The following CTDSPL variants were observed in gnomAD, a reference collection of about 807,000 sequenced individuals.
CTDSPL encodes CTD small phosphatase-like protein.
A neutral mutation model predicts 30.5 loss-of-function variants in CTDSPL; 8 were observed. That is an observed-to-expected ratio of 0.26 (90% confidence interval 0.15 to 0.47). CTDSPL has a LOEUF of 0.47. Among genes scored for constraint, CTDSPL ranks in the 20% least tolerant of loss-of-function variants. CTDSPL has a pLI of 0.99. For missense variants in CTDSPL, 248 were observed against 366.1 expected, an observed-to-expected ratio of 0.68 and a Z score of 2.63; for synonymous variants, 110 against 137.9, an observed-to-expected ratio of 0.80 and a Z score of 1.42.
At chr3:37,932,951 G>C (rs1274150533) in intron 1 of CTDSPL, among the ~76,000 whole-genome samples, 9 of 152,088 alleles carry the variant, frequency 5.9e-5, no homozygotes, top group Admixed American at 5.2e-4. Flanking sequence ...TCAGGAGTTC[G>C]AGACCAGCCT....
chr3:37,888,037 G>A (rs368584120), intron 1 of CTDSPL, among the ~76,000 whole-genome samples: 3 of 152,322 alleles, frequency 2.0e-5, no homozygotes, highest in Middle Eastern at 3.4e-3. Context: ...AGGGTGTTCT[G>A]AAAAGATGTG....
intron 1 of CTDSPL, among the ~76,000 whole-genome samples, chr3:37,927,876 C>T (rs866799843): frequency 1.3e-5 from 2 of 152,014 alleles, no homozygotes; most frequent in Middle Eastern, 3.4e-3. Context: ...TGGCAGCCAC[C>T]ATTCTACTTT....
intron 4 of CTDSPL, among the ~76,000 whole-genome samples, chr3:37,966,457 T>C (rs777310294): frequency 5.3e-5 from 8 of 152,196 alleles, no homozygotes; most frequent in Non-Finnish European, 7.3e-5. Context: ...GTAAGGGTGG[T>C]GCTTGCTGTA....
At position 37,951,102 on chromosome 3, in the gene CTDSPL, T is replaced by C. The variant is rs75455318; in HGVS notation, c.234+3891T>C. On this transcript the variant is annotated intron_variant, in intron 2 of 7. Coordinates refer to ENST00000273179, the MANE Select transcript of CTDSPL (RefSeq NM_001008392.2). Reference sequence around the variant, plus strand: ...TTAGAAATGGGCTGGGTGCAATGGCTCATTCCCGTAATCCCAGCACTTTGG... The same window carrying C: ...TTAGAAATGGGCTGGGTGCAATGGCCCATTCCCGTAATCCCAGCACTTTGG... Among the ~76,000 whole-genome samples the C allele has an allele frequency of 7.5e-3, 1,135 of 152,312 alleles. 40 individuals are homozygous for C. The East Asian group carries it at 0.11, about 15-fold the overall frequency.
At position 37,912,250 on chromosome 3, in the gene CTDSPL, C is replaced by T. The variant is rs140345553; in HGVS notation, c.80-34807C>T. On this transcript the variant is annotated intron_variant, in intron 1 of 7. Transcript: ENST00000273179. Reference sequence around the variant, plus strand: ...GGCTTCCCCCTAGTGGAGGGGAGGCCGGTTCTTTCCTGCACTCAGCCCCGG... The same window carrying T: ...GGCTTCCCCCTAGTGGAGGGGAGGCTGGTTCTTTCCTGCACTCAGCCCCGG... Among the ~76,000 whole-genome samples, 343 of 152,266 alleles carry T rather than the reference C, an allele frequency of 2.3e-3. 2 individuals are homozygous for T. Among genetic ancestry groups the T allele is most frequent in the Non-Finnish European group, 3.8e-3 (258 of 68,028 alleles).
At chr3:37,931,643 A>T (rs1221780052) in intron 1 of CTDSPL, among the ~76,000 whole-genome samples, 1 of 151,432 alleles carries the variant, frequency 6.6e-6, no homozygotes, top group Non-Finnish European at 1.5e-5. Flanking sequence ...ACATGCTTTG[A>T]TTCCTTTCTC....
At position 37,975,643 on chromosome 3, in the gene CTDSPL, G is replaced by C. The variant is rs1699416496; in HGVS notation, c.520-66G>C. 19 of 1,381,234 alleles carry C rather than the reference G, an allele frequency of 1.4e-5. No individual in the cohort carries two copies. The highest frequency in any genetic ancestry group is 1.9e-5 in the Non-Finnish European group (19 of 1,010,110). The allele number at this position is 1,381,234 out of a possible 1,614,324, so 85.6% of individuals were successfully genotyped here. On this transcript the variant is annotated intron_variant, in intron 6 of 7. Coordinates refer to ENST00000273179, the MANE Select transcript of CTDSPL (RefSeq NM_001008392.2). The surrounding 1 kb of genome is among the most constrained non-coding windows in gnomAD (Gnocchi z 4.9). ...TAAAAAACGTAATCTGGATCTTGCTGCTGTAGTTCAGGGTTTGGGGGGCTC... is the reference window on the plus strand; with the variant it reads ...TAAAAAACGTAATCTGGATCTTGCTCCTGTAGTTCAGGGTTTGGGGGGCTC...
rs764709556 is a variant in CTDSPL, at chr3:37,964,635, T to C, written c.332T>C (p.Ile111Thr). 2 of 1,614,070 alleles carry C rather than the reference T, an allele frequency of 1.2e-6. No individual in the cohort carries two copies. Among genetic ancestry groups the C allele is most frequent in the East Asian group, 2.2e-5 (1 of 44,874 alleles). ...VLDYGKKCVV[I>T]DLDETLVHSS... ...GACTATGGAAAGAAATGTGTGGTCA[T>C]TGATTTAGATGAAACATTGGTGCAC... The change falls in exon 4 of 8, where the codon ATT becomes ACT. Residue 111 changes from isoleucine to threonine, a missense_variant. Physicochemically the swap from Ile to Thr is moderately conservative, Grantham distance 89 (BLOSUM62 -1). This residue lies in a region of CTDSPL where 45 missense variants were observed against 83.1 expected (regional missense o/e 0.54). Transcript: ENST00000273179.
Position 37,862,183 on chromosome 3 carries a change from C to T in CTDSPL, c.-17C>T, listed in dbSNP as rs1697948164. 1.7e-6 allele frequency: 2 copies of T among 1,167,056 alleles called. No homozygotes were observed. The highest frequency in any genetic ancestry group is 1.6e-5 in the African/African-American group (1 of 61,526). 72.3% of individuals were successfully genotyped at this position (1,167,056 alleles called of 1,614,324 possible). ...GCGGGGGGCCGGGCCTGCGGGCGGC[C>T]GCCGCGCCGCGCACCCATGGACGGC... is the stretch of plus-strand genomic sequence containing the variant. On this transcript the variant is annotated 5_prime_UTR_variant, in exon 1 of 8. Coordinates refer to ENST00000273179, the MANE Select transcript of CTDSPL (RefSeq NM_001008392.2). This position sits in a 1 kb window ranked among gnomAD's most constrained non-coding sequence, Gnocchi z 4.3.
intron 2 of CTDSPL, among the ~76,000 whole-genome samples, 140 bp from the exon 3 acceptor site, chr3:37,956,949 ACTGTGGAAAATTTTCAGGTTCC>A (rs1233248696): frequency 1.3e-5 from 2 of 152,160 alleles, no homozygotes; most frequent in Non-Finnish European, 2.9e-5. Flanking sequence ...TCATGCCTTA[ACTGTGGAAAATTTTCAGGTTCC>A]TCCTGTTGAT....
At chr3:37,919,003 T>G (rs1263793260) in intron 1 of CTDSPL, among the ~76,000 whole-genome samples, 2 of 152,154 alleles carry the variant, frequency 1.3e-5, no homozygotes, top group African/African-American at 4.8e-5. Flanking sequence ...ATATAATAAA[T>G]AAGTTCTGTG....
intron 3 of CTDSPL, among the ~76,000 whole-genome samples, chr3:37,959,109 C>G (rs974375384): frequency 1.3e-5 from 2 of 152,166 alleles, no homozygotes; most frequent in African/African-American, 4.8e-5. Flanking sequence ...CAAACCAGAT[C>G]CCACAACCTC....
At chr3:37,922,230 G>A (rs1449231865) in intron 1 of CTDSPL, among the ~76,000 whole-genome samples, 1 of 151,426 alleles carries the variant, frequency 6.6e-6, no homozygotes, top group East Asian at 1.9e-4. Context: ...GCAAGACTCT[G>A]TCTCAAGGAA....
At position 37,927,636 on chromosome 3, in the gene CTDSPL, ATGTGTGTG is replaced by A. The variant is rs71094932; in HGVS notation, c.80-19385_80-19378del. ...TTAATTGTGGTTAAAAGAAAAATAT[ATGTGTGTG>A]TGTGTGTGTGTGTGTGTGTGTGTGT... is the stretch of plus-strand genomic sequence containing the variant. On this transcript the variant is annotated intron_variant, in intron 1 of 7. Coordinates refer to ENST00000273179, the MANE Select transcript of CTDSPL (RefSeq NM_001008392.2). Among the ~76,000 whole-genome samples, 133 of 115,786 alleles carry A rather than the reference ATGTGTGTG, an allele frequency of 1.1e-3. 1 individual carries two copies. Among genetic ancestry groups the A allele is most frequent in the Middle Eastern group, 9.1e-3 (2 of 220 alleles). The allele number at this position is 115,786 out of a possible 152,430, so 76.0% of individuals were successfully genotyped here. A position where few individuals can be genotyped will look rare whatever the true frequency, so the allele number is the denominator to read the frequency against.
chr3:37,979,349 T>C (rs1175744438), intron 7 of CTDSPL, among the ~76,000 whole-genome samples: 1 of 150,554 alleles, frequency 6.6e-6, no homozygotes, highest in Non-Finnish European at 1.5e-5. Flanking sequence ...ATGCCTGTAA[T>C]CCTAGCACTT....
intron 1 of CTDSPL, among the ~76,000 whole-genome samples, chr3:37,869,688 C>T (rs1372055765): frequency 2.0e-5 from 3 of 152,038 alleles, no homozygotes; most frequent in African/African-American, 7.2e-5. Context: ...GTCTTGGTCC[C>T]AGTCTTAGGG....
chr3:37,863,358 C>A lies in CTDSPL; in HGVS notation c.79+1080C>A, dbSNP rs545871276. On this transcript the variant is annotated intron_variant, in intron 1 of 7. Transcript: ENST00000273179. ...CCCCCCATTCTGTTTCCTTTTTGTC[C>A]TTTCTCTTGGTGTCTGTGTTCCCAC... is the stretch of plus-strand genomic sequence containing the variant. Among the ~76,000 whole-genome samples the A allele has an allele frequency of 2.6e-5, 4 of 152,306 alleles. No homozygotes were observed. In the South Asian group the frequency reaches 8.3e-4, roughly 32 times the overall value.
chr3:37,963,543 A>G (rs1699265968), intron 3 of CTDSPL, among the ~76,000 whole-genome samples: 1 of 152,210 alleles, frequency 6.6e-6, no homozygotes, highest in Admixed American at 6.5e-5. Flanking sequence ...AATATTAAAG[A>G]GAGTTTGACC....
chr3:37,978,225 C>T (rs1699451456), intron 7 of CTDSPL, among the ~76,000 whole-genome samples: 1 of 152,208 alleles, frequency 6.6e-6, no homozygotes, highest in Non-Finnish European at 1.5e-5. Context: ...ATTATGAACT[C>T]ATGGATTTGT....
Sources: allele counts gnomAD v4.1 joint callset (sites outside exome capture counted in the v4.1 genomes callset), GRCh38; gene constraint gnomAD v4.1.1; regional missense constraint gnomAD v4.1.1; non-coding constraint Gnocchi (gnomAD v3.1); transcripts MANE v1.5; gene names NCBI Gene and HGNC (gene_info 2026-07-23, HGNC 2026-07-21).